Variants in IRAK2 observed in about 807,000 individuals in gnomAD.
IRAK2 encodes interleukin 1 receptor associated kinase 2.
Under a neutral mutation model 72.0 loss-of-function variants are expected in IRAK2, and 57 were observed. That is an observed-to-expected ratio of 0.79 (90% CI 0.64 to 0.99). The LOEUF is 0.99. Among genes scored for constraint, IRAK2 ranks in the 50% least tolerant of loss-of-function variants. The pLI is 0.00. For missense variants in IRAK2, 790 were observed against 794.4 expected (o/e 0.99, Z 0.07); for synonymous variants, 293 against 312.7 (o/e 0.94, Z 0.67).
At chr3:10,226,572 G>C (rs1697780179) in intron 10 of IRAK2, 139 bp downstream of exon 10, 2 of 649,090 alleles carry the variant, frequency 3.1e-6, no homozygotes, top group Non-Finnish European at 5.5e-6. Flanking sequence ...TCCCCACAAA[G>C]CAGCTTTAAC....
At chr3:10,230,125 GAC>G (rs1358284995) in intron 10 of IRAK2, among the ~76,000 whole-genome samples, 1 of 152,018 alleles carries the variant, frequency 6.6e-6, no homozygotes, top group African/African-American at 2.4e-5. Flanking sequence ...AATTGAAAAA[GAC>G]ATGTATGTTC....
intron 6 of IRAK2, among the ~76,000 whole-genome samples, chr3:10,214,883 C>T (rs1229790518): frequency 6.7e-6 from 1 of 150,134 alleles, no homozygotes; most frequent in Non-Finnish European, 1.5e-5. Context: ...TCACTTAAGT[C>T]CAGGAGTTCA....
chr3:10,240,794 G>A lies in IRAK2; in HGVS notation c.1766-1322G>A, dbSNP rs1698046687. Among the ~76,000 whole-genome samples the A allele has an allele frequency of 3.3e-5, 5 of 151,330 alleles. No individual in the cohort carries two copies. In the South Asian group the frequency reaches 1.0e-3, roughly 32 times the overall value. On this transcript the variant is annotated intron_variant, in intron 12 of 12. Transcript: ENST00000256458. ...GGCTGGTCTTGAACTCCCAACCTCA[G>A]GTGATCCGCCCACCTCGGCCTCCCA...
At chr3:10,171,213 G>A (rs971455518) in intron 1 of IRAK2, among the ~76,000 whole-genome samples, 7 of 152,296 alleles carry the variant, frequency 4.6e-5, no homozygotes, top group Non-Finnish European at 1.0e-4. Context: ...GGGCTCTTCT[G>A]TGTGTGGCCG....
intron 2 of IRAK2, among the ~76,000 whole-genome samples, chr3:10,190,859 C>T (rs1487720252): frequency 6.6e-6 from 1 of 152,178 alleles, no homozygotes; most frequent in Admixed American, 6.6e-5. Flanking sequence ...GTCATGCAGC[C>T]TCCTGCATTC....
intron 12 of IRAK2, 133 bp from the exon 13 acceptor site, chr3:10,241,983 A>AAG: frequency 2.5e-5 from 12 of 476,654 alleles, no homozygotes; most frequent in Admixed American, 9.5e-5. Flanking sequence ...GATAAAAAAA[A>AAG]AAGAAAAAAA....
In IRAK2 at chr3:10,242,141, G is replaced by A. The variant is rs776648572; in HGVS notation, c.1791G>A (p.Glu597=). The A allele has an allele frequency of 4.2e-5, 67 of 1,612,616 alleles. No individual in the cohort carries two copies. In the Admixed American group the frequency reaches 1.1e-3, roughly 27 times the overall value. Residue 597 remains glutamate (E), a synonymous_variant, in exon 13 of 13, where the codon GAG becomes GAA. Transcript: ENST00000256458. ...TTACAGAAACTTCGTGGCAAATTGA[G>A]ATCAATGAGGCCAAAAGGAAACTGA... is the stretch of plus-strand genomic sequence containing the variant. ...QDVTETSWQI[E]INEAKRKLME... is the part of the protein sequence containing the mutation.
intron 1 of IRAK2, among the ~76,000 whole-genome samples, chr3:10,167,944 T>C (rs1224710478): frequency 6.6e-6 from 1 of 152,126 alleles, no homozygotes; most frequent in Non-Finnish European, 1.5e-5. Context: ...ACTACAGGTG[T>C]GCACTGCTGC....
At chr3:10,167,193 T>A (rs937765347) in intron 1 of IRAK2, among the ~76,000 whole-genome samples, 1 of 152,228 alleles carries the variant, frequency 6.6e-6, no homozygotes, top group Admixed American at 6.5e-5. Context: ...CACAGGGCTG[T>A]GTATCCATCT....
intron 3 of IRAK2, among the ~76,000 whole-genome samples, chr3:10,201,846 G>A (rs1361194840): frequency 6.6e-6 from 1 of 152,180 alleles, no homozygotes; most frequent in East Asian, 1.9e-4. Flanking sequence ...AGCCAGGGGC[G>A]GCATCAGCTG....
At chr3:10,177,771 G>C in intron 1 of IRAK2, 67 bp from the exon 2 acceptor site, 1 of 1,498,618 alleles carries the variant, frequency 6.7e-7, no homozygotes, top group Non-Finnish European at 9.2e-7. Context: ...CTAGGGGCTA[G>C]TGTGGGGACC....
intron 2 of IRAK2, among the ~76,000 whole-genome samples, chr3:10,194,671 C>T (rs1697236748): frequency 6.6e-6 from 1 of 152,164 alleles, no homozygotes; most frequent in South Asian, 2.1e-4. Flanking sequence ...GCCATTTTCT[C>T]CATCTTCATG....
chr3:10,177,834 C>A lies in IRAK2; in HGVS notation c.95-4C>A. 3.1e-6 allele frequency: 5 copies of A among 1,611,602 alleles called. No homozygotes were observed. The South Asian group carries it at 4.4e-5, about 14-fold the overall frequency. ...CTAAGCAGAGTTCTCTCCGTCCCTT[C>A]CAGCCTCCTACGTGATCACAGACCT... On this transcript the variant is annotated splice_polypyrimidine_tract_variant and splice_region_variant and intron_variant, in intron 1 of 12. Coordinates refer to ENST00000256458, the MANE Select transcript of IRAK2 (RefSeq NM_001570.4).
chr3:10,182,188 C>T (rs1410661254), intron 2 of IRAK2, among the ~76,000 whole-genome samples: 2 of 151,924 alleles, frequency 1.3e-5, no homozygotes, highest in Admixed American at 1.3e-4. Context: ...AGGCTGGTCT[C>T]GAACTCCTGA....
chr3:10,236,223 C>T (rs915116249), intron 11 of IRAK2, among the ~76,000 whole-genome samples: 20 of 151,728 alleles, frequency 1.3e-4, no homozygotes, highest in South Asian at 2.1e-4. Flanking sequence ...GAAGAAGGTC[C>T]GAAGGGCTAG....
intron 11 of IRAK2, among the ~76,000 whole-genome samples, chr3:10,237,124 G>A (rs1195874310): frequency 1.3e-5 from 2 of 152,204 alleles, no homozygotes; most frequent in South Asian, 2.1e-4. Context: ...ATAGAGAGCA[G>A]AACTTAGCTA....
chr3:10,195,946 G>A (rs1697256176), intron 2 of IRAK2, among the ~76,000 whole-genome samples: 1 of 152,170 alleles, frequency 6.6e-6, no homozygotes, highest in Non-Finnish European at 1.5e-5. Flanking sequence ...GAGAGGGGAG[G>A]CTGGGAAAGA....
intron 1 of IRAK2, among the ~76,000 whole-genome samples, chr3:10,175,091 C>T (rs1411486531): frequency 6.7e-6 from 1 of 148,810 alleles, no homozygotes; most frequent in Non-Finnish European, 1.5e-5. Context: ...GACACCCTGT[C>T]TCAAAAAAAA....
At chr3:10,215,393 CAA>C (rs562788691) in intron 6 of IRAK2, among the ~76,000 whole-genome samples, 8,838 of 78,994 alleles carry the variant, frequency 0.11, 173 homozygotes, top group East Asian at 0.33. Flanking sequence ...GACTCTGTCT[CAA>C]AAAAAAAAAA....
Sources: gnomAD v4.1 joint callset for allele counts (sites outside exome capture counted in the v4.1 genomes callset) on GRCh38, gnomAD v4.1.1 for gene constraint, MANE v1.5 for transcripts, NCBI Gene and HGNC (gene_info 2026-07-23, HGNC 2026-07-21) for gene names.